Variants in USP7 observed in about 807,000 individuals in gnomAD.
The protein encoded by USP7 is ubiquitin specific peptidase 7, also known as ubiquitin C-terminal hydrolase 7.
In USP7, 9 loss-of-function variants were observed where a neutral mutation model predicts 162.9. The observed-to-expected ratio is 0.06, with a 90% CI of 0.03 to 0.10. The LOEUF is 0.10. USP7 is among the 10% of genes least tolerant of loss of function. USP7 has a pLI of 1.00. For missense variants in USP7, 715 were observed against 1,373.7 expected (o/e 0.52, Z 7.58); for synonymous variants, 562 against 475.9 (o/e 1.18, Z -2.35).
chr16:8,908,209 A>G (rs1306418524), intron 12 of USP7, 132 bp downstream of exon 12: 7 of 754,800 alleles, frequency 9.3e-6, no homozygotes, highest in Non-Finnish European at 1.5e-5. Flanking sequence ...CTCTTGGGAC[A>G]CAGAGGTAGA....
At chr16:8,929,410 G>T in intron 2 of USP7, 2 of 449,996 alleles carry the variant, frequency 4.4e-6, no homozygotes, top group East Asian at 7.0e-5. Flanking sequence ...GGGGTAAACC[G>T]CACTGTGAGA....
In USP7 at chr16:8,892,262, G is replaced by C. The variant is rs2061609233; in HGVS notation, c.*1736C>G. The C allele has an allele frequency of 6.6e-6, 1 of 152,280 alleles. No homozygotes were observed. Among genetic ancestry groups the C allele is most frequent in the African/African-American group, 2.4e-5 (1 of 41,436 alleles). 9.4% of individuals were successfully genotyped at this position (152,280 alleles called of 1,614,324 possible). ...CACCCCTGCTCTAACTCCTCTTTCT[G>C]GGGGAGGAAGGAGGGAAGGGCCAGG... On this transcript the variant is annotated 3_prime_UTR_variant, in exon 31 of 31. Coordinates refer to ENST00000344836, the MANE Select transcript of USP7 (RefSeq NM_003470.3).
At chr16:8,904,626 C>G in intron 14 of USP7, 61 bp from the exon 15 acceptor site, 1 of 1,588,342 alleles carries the variant, frequency 6.3e-7, no homozygotes, top group Non-Finnish European at 8.5e-7. Flanking sequence ...TTAGAAGCTC[C>G]CGATTCTAGG....
At chr16:8,933,554 T>G (rs1279901112) in intron 1 of USP7, among the ~76,000 whole-genome samples, 1 of 152,188 alleles carries the variant, frequency 6.6e-6, no homozygotes, top group Non-Finnish European at 1.5e-5. Flanking sequence ...GAGATTAGGG[T>G]TACATAGAAG....
At position 8,899,241 on chromosome 16, in the gene USP7, A is replaced by C; in HGVS notation, c.2464-53T>G. 7.0e-6 allele frequency: 11 copies of C among 1,571,972 alleles called. 1 individual carries two copies. In the South Asian group the frequency reaches 1.2e-4, roughly 18 times the overall value. On this transcript the variant is annotated intron_variant, in intron 22 of 30. Transcript: ENST00000344836. ...TTTGGGGAAAAATTGAAACTTGGTC[A>C]TAAACTTCATGCTTAATTACTTAAA...
intron 30 of USP7, among the ~76,000 whole-genome samples, chr16:8,894,332 T>C (rs1213551238): frequency 6.6e-6 from 1 of 152,096 alleles, no homozygotes; most frequent in Non-Finnish European, 1.5e-5. Flanking sequence ...TGCACACATA[T>C]CCAAGCTTCT....
In USP7 at chr16:8,898,224, G is replaced by A. The variant is rs186046969; in HGVS notation, c.2718+136C>T. 201 of 755,280 alleles carry A rather than the reference G, an allele frequency of 2.7e-4. 1 individual carries two copies. The highest frequency in any genetic ancestry group is 1.3e-3 in the Admixed American group (48 of 37,306). The allele number at this position is 755,280 out of a possible 1,614,324, so 46.8% of individuals were successfully genotyped here. A position where few individuals can be genotyped will look rare whatever the true frequency, so the allele number is the denominator to read the frequency against. Reference sequence around the variant, plus strand: ...AGGAGGCAGGAAAGACTGGCCCAGGGCTCCCCCAGCCCCCATCATGTGCTG... The same window carrying A: ...AGGAGGCAGGAAAGACTGGCCCAGGACTCCCCCAGCCCCCATCATGTGCTG... On this transcript the variant is annotated intron_variant, in intron 25 of 30. Coordinates refer to ENST00000344836, the MANE Select transcript of USP7 (RefSeq NM_003470.3).
At chr16:8,945,750 T>C (rs754073529) in intron 1 of USP7, among the ~76,000 whole-genome samples, 1 of 151,982 alleles carries the variant, frequency 6.6e-6, no homozygotes, top group African/African-American at 2.4e-5. Flanking sequence ...GGTAAAACAA[T>C]TTTGAATAAC....
At position 8,893,868 on chromosome 16, in the gene USP7, A is replaced by C; in HGVS notation, c.*130T>G. The C allele has an allele frequency of 1.3e-6, 1 of 785,342 alleles. No homozygotes were observed. Among genetic ancestry groups the C allele is most frequent in the Non-Finnish European group, 2.2e-6 (1 of 463,824 alleles). 48.6% of individuals were successfully genotyped at this position (785,342 alleles called of 1,614,324 possible). A position where few individuals can be genotyped will look rare whatever the true frequency, so the allele number is the denominator to read the frequency against. ...AGAAGCCAAACTGAACAGCCTCAAT[A>C]AAATAAAATTAACACCAGCAGCGAA... On this transcript the variant is annotated 3_prime_UTR_variant, in exon 31 of 31. Coordinates refer to ENST00000344836, the MANE Select transcript of USP7 (RefSeq NM_003470.3).
intron 8 of USP7, among the ~76,000 whole-genome samples, chr16:8,916,016 C>CTG (rs1408785462): frequency 6.6e-6 from 1 of 152,154 alleles, no homozygotes; most frequent in Non-Finnish European, 1.5e-5. Flanking sequence ...GTGTGTGCTT[C>CTG]TGCGTCTTTT....
intron 1 of USP7, among the ~76,000 whole-genome samples, chr16:8,932,467 C>A (rs1054200959): frequency 2.6e-5 from 4 of 152,052 alleles, no homozygotes; most frequent in Non-Finnish European, 4.4e-5. Flanking sequence ...AGTCCCTAGA[C>A]CATCATGTCT....
intron 23 of USP7, 46 bp downstream of exon 23, chr16:8,899,074 GA>G: frequency 6.3e-7 from 1 of 1,581,896 alleles, no homozygotes; most frequent in Non-Finnish European, 8.6e-7. Context: ...ATGAACTGTG[GA>G]AAGCATGCAG....
At chr16:8,908,496 T>A (rs771781901) in intron 11 of USP7, 46 bp from the exon 12 acceptor site, 4 of 1,521,632 alleles carry the variant, frequency 2.6e-6, no homozygotes, top group Admixed American at 1.9e-5. Flanking sequence ...CTCTACTTAC[T>A]CCTGGAAGCA....
intron 10 of USP7, among the ~76,000 whole-genome samples, chr16:8,911,131 G>C (rs757525783): frequency 1.3e-5 from 2 of 152,192 alleles, no homozygotes; most frequent in Non-Finnish European, 2.9e-5. Flanking sequence ...AAGACAGCTT[G>C]GAATTGGGCA....
chr16:8,915,116 C>T, intron 10 of USP7, 138 bp downstream of exon 10: 1 of 802,516 alleles, frequency 1.2e-6, no homozygotes, highest in Non-Finnish European at 1.9e-6. Context: ...CTGTGTTCAC[C>T]CAGTGAGCTG....
In USP7 at chr16:8,895,552, G is replaced by A; in HGVS notation, c.2919+90C>T. Reference sequence around the variant, plus strand: ...TTACTGGTATAAAAACACAAATCAAGCTACTTGTACAACTTGCTGTGATAT... The same window carrying A: ...TTACTGGTATAAAAACACAAATCAAACTACTTGTACAACTTGCTGTGATAT... On this transcript the variant is annotated intron_variant, in intron 27 of 30. Coordinates refer to ENST00000344836, the MANE Select transcript of USP7 (RefSeq NM_003470.3). The A allele has an allele frequency of 4.6e-6, 5 of 1,097,502 alleles. No homozygotes were observed. In the South Asian group the frequency reaches 6.6e-5, roughly 15 times the overall value. 68.0% of individuals were successfully genotyped at this position (1,097,502 alleles called of 1,614,324 possible). A position where few individuals can be genotyped will look rare whatever the true frequency, so the allele number is the denominator to read the frequency against.
At chr16:8,905,446 AAAT>A in intron 13 of USP7, 115 bp from the exon 14 acceptor site, 1 of 1,311,560 alleles carries the variant, frequency 7.6e-7, no homozygotes. Flanking sequence ...CTAGTTGAAA[AAAT>A]ATCCATGTGT....
chr16:8,963,770 G>A lies in USP7; in HGVS notation c.-485C>T, dbSNP rs1213825768. Among the ~76,000 whole-genome samples the A allele has an allele frequency of 3.4e-5, 5 of 145,378 alleles. No homozygotes were observed. The highest frequency in any genetic ancestry group is 1.2e-4 in the African/African-American group (5 of 40,602). On this transcript the variant is annotated 5_prime_UTR_variant, in exon 1 of 31. Coordinates refer to ENST00000344836, the MANE Select transcript of USP7 (RefSeq NM_003470.3). Reference sequence around the variant, plus strand: ...TGGGGCCGGCGGGAGCGGCGGAGCGGGCGGGCGACGGGCCGGCCGCGTTCC... The same window carrying A: ...TGGGGCCGGCGGGAGCGGCGGAGCGAGCGGGCGACGGGCCGGCCGCGTTCC...
chr16:8,923,492 T>C (rs55678416), intron 2 of USP7, 79 bp from the exon 3 acceptor site: 23,812 of 1,446,954 alleles, frequency 0.016, 238 homozygotes, highest in Non-Finnish European at 0.02. Flanking sequence ...TGGAGTAAAC[T>C]GTTCTATACA....
Sources: allele counts gnomAD v4.1 joint callset (sites outside exome capture counted in the v4.1 genomes callset), GRCh38; gene constraint gnomAD v4.1.1; transcripts MANE v1.5; gene names NCBI Gene and HGNC (gene_info 2026-07-23, HGNC 2026-07-21).